Variants in SLC6A5 observed in about 807,000 individuals in gnomAD.
The protein encoded by SLC6A5 is sodium- and chloride-dependent glycine transporter 2.
Under a neutral mutation model 90.5 loss-of-function variants are expected in SLC6A5, and 58 were observed. The ratio of observed to expected loss-of-function variants is 0.64; its 90% CI spans 0.52 to 0.80. The LOEUF (loss-of-function observed/expected upper bound fraction) is 0.80, where lower values mean the gene tolerates loss of function less well. Among genes scored for constraint, SLC6A5 ranks in the 30% least tolerant of loss-of-function variants. The pLI is 0.00. For synonymous variants in SLC6A5, 427 were observed against 401.4 expected, an observed-to-expected ratio of 1.06 and a Z score of -0.76; for missense variants, 1,015 against 1,017.6, an observed-to-expected ratio of 1.00 and a Z score of 0.03.
intron 13 of SLC6A5, among the ~76,000 whole-genome samples, chr11:20,642,805 C>G (rs1853338751): frequency 6.6e-6 from 1 of 152,148 alleles, no homozygotes; most frequent in African/African-American, 2.4e-5. Flanking sequence ...GAGGCAGAGG[C>G]TGGAGGAACT....
Position 20,607,003 on chromosome 11 carries a change from C to A in SLC6A5, c.680-4C>A. On this transcript the variant is annotated splice_region_variant and splice_polypyrimidine_tract_variant and intron_variant, in intron 3 of 15. Transcript: ENST00000525748. ...GGGCTCTCACTCCCCACTCTCTTTC[C>A]AAGGTGCTTTCCTCATCCCTTACCT... 6.2e-7 allele frequency: 1 copy of A among 1,614,108 alleles called. No homozygotes were observed. The highest frequency in any genetic ancestry group is 8.5e-7 in the Non-Finnish European group (1 of 1,180,014).
At chr11:20,602,916 C>T (rs1450784359) in intron 2 of SLC6A5, among the ~76,000 whole-genome samples, 1 of 152,346 alleles carries the variant, frequency 6.6e-6, no homozygotes, top group South Asian at 2.1e-4. Flanking sequence ...CTTGCTTAAC[C>T]TCCGCACTGC....
rs766390257 is a variant in SLC6A5 at position 20,626,785 on chromosome 11, T to C, written c.1338T>C (p.Ala446=). The change falls in exon 8 of 16, where the codon GCT becomes GCC. Residue 446 remains alanine, a synonymous_variant. Transcript: ENST00000525748. The part of the protein sequence containing the change: ...LLIRGVTLPG[A]GAGIWYFITP... ...TCCGAGGAGTCACCCTGCCTGGAGCTGGAGCTGGGATCTGGTACTTCATCA... is the reference window on the plus strand; with the variant it reads ...TCCGAGGAGTCACCCTGCCTGGAGCCGGAGCTGGGATCTGGTACTTCATCA... The C allele has an allele frequency of 6.2e-7, 1 of 1,613,966 alleles. No individual in the cohort carries two copies. The highest frequency in any genetic ancestry group is 8.5e-7 in the Non-Finnish European group (1 of 1,179,946).
chr11:20,626,221 C>A (rs1852990349), intron 7 of SLC6A5, among the ~76,000 whole-genome samples: 1 of 152,210 alleles, frequency 6.6e-6, no homozygotes, highest in African/African-American at 2.4e-5. Flanking sequence ...TGTACAGTTT[C>A]ATTTGAACCT....
At chr11:20,648,958 C>T (rs974082423) in intron 14 of SLC6A5, among the ~76,000 whole-genome samples, 3 of 152,024 alleles carry the variant, frequency 2.0e-5, no homozygotes, top group African/African-American at 7.3e-5. Context: ...AGGAACTTGC[C>T]CCAGGCCACT....
At chr11:20,617,708 T>A in intron 6 of SLC6A5, 44 bp from the exon 7 acceptor site, 1 of 1,585,810 alleles carries the variant, frequency 6.3e-7, no homozygotes, top group Non-Finnish European at 8.7e-7. Context: ...CCTCCCTCTC[T>A]CCTTCTTTCT....
intron 9 of SLC6A5, 122 bp downstream of exon 9, chr11:20,628,205 C>T (rs1295459485): frequency 2.3e-6 from 2 of 887,656 alleles, no homozygotes; most frequent in Admixed American, 2.0e-5. Flanking sequence ...AAAGATTTGC[C>T]TCTGGCCTAG....
Position 20,626,872 on chromosome 11 carries a change from C to T in SLC6A5, c.1395+30C>T, listed in dbSNP as rs4923548. ...GCTTCTAATTTTATCTATAACCAGC[C>T]CTGGGGGAGTGGCCCTCTGGGAGGC... On this transcript the variant is annotated intron_variant, in intron 8 of 15. Coordinates refer to ENST00000525748, the MANE Select transcript of SLC6A5 (RefSeq NM_004211.5). 0.99 allele frequency: 1,592,003 copies of T among 1,608,532 alleles called. 789,166 individuals carry two copies. The highest frequency in any genetic ancestry group is 1 in the East Asian group (44,844 of 44,844).
chr11:20,624,861 G>T (rs2133796150), intron 7 of SLC6A5, among the ~76,000 whole-genome samples: 1 of 152,288 alleles, frequency 6.6e-6, no homozygotes, highest in African/African-American at 2.4e-5. Flanking sequence ...ACTGTGAAAT[G>T]GTACTTCTGT....
At position 20,637,281 on chromosome 11, in the gene SLC6A5, T is replaced by C. The variant is rs750565830; in HGVS notation, c.1847T>C (p.Met616Thr). 2.5e-6 allele frequency: 4 copies of C among 1,608,950 alleles called. No homozygotes were observed. The highest frequency in any genetic ancestry group is 3.4e-6 in the Non-Finnish European group (4 of 1,177,086). Reference protein sequence around the residue: ...TLGCCICFFIMGFPMITQGGI... With the variant: ...TLGCCICFFITGFPMITQGGI... ...GGCTGCTGCATTTGTTTCTTCATCA[T>C]GGGTTTTCCAATGATCACTCAGGTA... Residue 616 changes from methionine (M) to threonine (T), a missense_variant, in exon 12 of 16, where the codon ATG (methionine) becomes ACG (threonine). Physicochemically the swap from Met to Thr is moderately conservative, Grantham distance 81. This residue lies in a region of SLC6A5 where 442 missense variants were observed against 494.3 expected (regional missense o/e 0.89). Transcript: ENST00000525748.
rs191448655 is a variant in SLC6A5, at chr11:20,642,845, C to G, written c.1970-3989C>G. 1.1e-3 allele frequency among the ~76,000 whole-genome samples: 160 copies of G among 152,312 alleles called. 2 individuals carry two copies. Among genetic ancestry groups the G allele is most frequent in the Non-Finnish European group, 1.6e-3 (112 of 68,028 alleles). On this transcript the variant is annotated intron_variant, in intron 13 of 15. Transcript: ENST00000525748. Reference sequence around the variant, plus strand: ...AGCTTGACTCAGGAATGGCACGGTGCAGGAGGGTTGCGTGACAGGGGAAAT... The same window carrying G: ...AGCTTGACTCAGGAATGGCACGGTGGAGGAGGGTTGCGTGACAGGGGAAAT...
At position 20,646,864 on chromosome 11, in the gene SLC6A5, T is replaced by C. The variant is rs1853425575; in HGVS notation, c.2000T>C (p.Met667Thr). 1 of 1,613,698 alleles carries C rather than the reference T, an allele frequency of 6.2e-7. No homozygotes were observed. Among genetic ancestry groups the C allele is most frequent in the Non-Finnish European group, 8.5e-7 (1 of 1,179,702 alleles). ...CAAAGATTCTGTGAAGATATAGAGA[T>C]GATGATTGGATTCCAGCCTAACATC... The part of the protein sequence containing the change: ...GLQRFCEDIE[M>T]MIGFQPNIFW... Residue 667 changes from methionine (M) to threonine (T), a missense_variant, in exon 14 of 16, where the codon ATG becomes ACG. Physicochemically the swap from Met to Thr is moderately conservative, Grantham distance 81. Transcript: ENST00000525748.
In SLC6A5 at chr11:20,654,924, T is replaced by C; in HGVS notation, c.*56T>C. The stretch of plus-strand genomic sequence containing the variant: ...CCTGTTTTTCCTCTCTGCCTCCTCC[T>C]AATGTTTTCCATAGCTCTCCTCCCA... On this transcript the variant is annotated 3_prime_UTR_variant, in exon 16 of 16. Transcript: ENST00000525748. 6.4e-7 allele frequency: 1 copy of C among 1,552,924 alleles called. No homozygotes were observed. The highest frequency in any genetic ancestry group is 1.1e-5 in the South Asian group (1 of 89,760).
At chr11:20,638,736 AT>A (rs1347032481) in intron 13 of SLC6A5, among the ~76,000 whole-genome samples, 178 bp downstream of exon 13, 2 of 152,200 alleles carry the variant, frequency 1.3e-5, no homozygotes, top group African/African-American at 4.8e-5. Context: ...TGTGATCCAA[AT>A]TTAATAGGGA....
chr11:20,607,068 G>T lies in SLC6A5; in HGVS notation c.741G>T (p.Leu247Phe). 2 of 1,613,998 alleles carry T rather than the reference G, an allele frequency of 1.2e-6. No homozygotes were observed. The highest frequency in any genetic ancestry group is 1.7e-6 in the Non-Finnish European group (2 of 1,180,022). ...LALAGLPIFF[L>F]EVSLGQFASQ... ...TGGCTGGATTACCCATCTTCTTCTT[G>T]GAGGTGTCGCTGGGCCAGTTTGCCA... The change falls in exon 4 of 16, where the codon TTG becomes TTT. Residue 247 changes from leucine (L) to phenylalanine (F), a missense_variant. This residue lies in a region of SLC6A5 where 567 missense variants were observed against 507.3 expected (regional missense o/e 1.12). Transcript: ENST00000525748.
chr11:20,645,463 TGAG>T (rs1042917702), intron 13 of SLC6A5, among the ~76,000 whole-genome samples: 6 of 151,850 alleles, frequency 4.0e-5, no homozygotes, highest in African/African-American at 1.5e-4. Flanking sequence ...CCCAGAAATC[TGAG>T]GAGGCTGGGA....
intron 7 of SLC6A5, among the ~76,000 whole-genome samples, chr11:20,620,132 A>G (rs576094713): frequency 6.6e-6 from 1 of 152,274 alleles, no homozygotes; most frequent in Admixed American, 6.5e-5. Flanking sequence ...ATGGCTAGAA[A>G]TGGAGACAAG....
chr11:20,644,429 C>T (rs184224641), intron 13 of SLC6A5, among the ~76,000 whole-genome samples: 48 of 152,320 alleles, frequency 3.2e-4, no homozygotes, highest in Non-Finnish European at 6.0e-4. Flanking sequence ...TTTCAAAAGG[C>T]TGAATGGTAC....
chr11:20,654,972 C>T lies in SLC6A5; in HGVS notation c.*104C>T, dbSNP rs1853616065. ...CCATTTTTCTTCATCTTTCTTCCTA[C>T]ATCTTGGTTCACATCCACGCATGAG... On this transcript the variant is annotated 3_prime_UTR_variant, in exon 16 of 16. Coordinates refer to ENST00000525748, the MANE Select transcript of SLC6A5 (RefSeq NM_004211.5). 1 of 1,209,122 alleles carries T rather than the reference C, an allele frequency of 8.3e-7. No individual in the cohort carries two copies. Among genetic ancestry groups the T allele is most frequent in the Non-Finnish European group, 1.2e-6 (1 of 811,302 alleles). 74.9% of individuals were successfully genotyped at this position (1,209,122 alleles called of 1,614,324 possible).
Sources: allele counts gnomAD v4.1 joint callset (sites outside exome capture counted in the v4.1 genomes callset), GRCh38; gene constraint gnomAD v4.1.1; regional missense constraint gnomAD v4.1.1; transcripts MANE v1.5; gene names NCBI Gene and HGNC (gene_info 2026-07-23, HGNC 2026-07-21).